Variants in NSMAF observed in about 807,000 individuals in gnomAD.
NSMAF encodes the protein neutral sphingomyelinase activation associated factor.
In NSMAF, 90 loss-of-function variants were observed where a neutral mutation model predicts 134.9. The ratio of observed to expected loss-of-function variants is 0.67; its 90% confidence interval spans 0.56 to 0.79. The LOEUF (loss-of-function observed/expected upper bound fraction) is 0.79, where lower values mean the gene tolerates loss of function less well. NSMAF is among the 30% of genes least tolerant of loss of function. The pLI, the probability that NSMAF is intolerant of heterozygous loss-of-function variation, is 0.00. For missense variants in NSMAF, 1,010 were observed against 1,119.0 expected, an observed-to-expected ratio of 0.90 and a Z score of 1.39; for synonymous variants, 358 against 389.6, an observed-to-expected ratio of 0.92 and a Z score of 0.96.
intron 2 of NSMAF, chr8:58,639,864 T>C (rs1807293033): frequency 3.5e-6 from 1 of 289,322 alleles, no homozygotes; most frequent in African/African-American, 2.2e-5. Flanking sequence ...TTGGAGGACA[T>C]TATGCTAAGT....
intron 6 of NSMAF, among the ~76,000 whole-genome samples, chr8:58,624,493 CT>C (rs905494548): frequency 9.8e-4 from 143 of 145,598 alleles, no homozygotes; most frequent in African/African-American, 2.5e-3. Context: ...TAAATTTTCT[CT>C]TTTTTTTTTT....
chr8:58,584,041 TAA>T lies in NSMAF; in HGVS notation c.*63_*64del. The T allele has an allele frequency of 8.1e-7, 1 of 1,241,004 alleles. No homozygotes were observed. Among genetic ancestry groups the T allele is most frequent in the Non-Finnish European group, 1.2e-6 (1 of 841,178 alleles). 76.9% of individuals were successfully genotyped at this position (1,241,004 alleles called of 1,614,324 possible). ...AACATTGCACATTCACCAGTCCGTT[TAA>T]AAGTTTGGTTTAAAAATGCATTAAA... On this transcript the variant is annotated 3_prime_UTR_variant, in exon 31 of 31. Coordinates refer to ENST00000038176, the MANE Select transcript of NSMAF (RefSeq NM_003580.4).
chr8:58,589,075 A>C (rs1428138584), intron 26 of NSMAF, among the ~76,000 whole-genome samples: 2 of 151,218 alleles, frequency 1.3e-5, no homozygotes, highest in African/African-American at 4.8e-5. Context: ...CAAAAAATAA[A>C]AAGAATGTAC....
At chr8:58,623,567 G>T in intron 7 of NSMAF, 142 bp downstream of exon 7, 1 of 1,063,780 alleles carries the variant, frequency 9.4e-7, no homozygotes, top group Non-Finnish European at 1.4e-6. Context: ...CTAATATATA[G>T]TTTTTAAACT....
In NSMAF at chr8:58,583,868, A is replaced by G. The variant is rs563458428; in HGVS notation, c.*238T>C. 4.0e-6 allele frequency: 2 copies of G among 500,194 alleles called. No homozygotes were observed. The highest frequency in any genetic ancestry group is 7.2e-6 in the Non-Finnish European group (2 of 278,194). 31.0% of individuals were successfully genotyped at this position (500,194 alleles called of 1,614,324 possible). A position where few individuals can be genotyped will look rare whatever the true frequency, so the allele number is the denominator to read the frequency against. On this transcript the variant is annotated 3_prime_UTR_variant, in exon 31 of 31. Coordinates refer to ENST00000038176, the MANE Select transcript of NSMAF (RefSeq NM_003580.4). ...TGACAATCATCATACGGGGACGATC[A>G]TCTGCCTTACAGTGTAACATGTTTT...
intron 9 of NSMAF, among the ~76,000 whole-genome samples, chr8:58,618,593 C>T (rs1434144513): frequency 6.6e-6 from 1 of 151,760 alleles, no homozygotes; most frequent in Non-Finnish European, 1.5e-5. Context: ...CAAACATACA[C>T]ATTTATACAT....
At chr8:58,619,922 G>A (rs573277835) in intron 9 of NSMAF, among the ~76,000 whole-genome samples, 2 of 152,218 alleles carry the variant, frequency 1.3e-5, no homozygotes, top group African/African-American at 4.8e-5. Flanking sequence ...AGTGAAAAAG[G>A]AAAATAAGGT....
At chr8:58,608,659 T>C (rs954904056) in intron 10 of NSMAF, among the ~76,000 whole-genome samples, 2 of 152,190 alleles carry the variant, frequency 1.3e-5, no homozygotes, top group Non-Finnish European at 2.9e-5. Flanking sequence ...CAAGCAATAG[T>C]AGCAGCCAAG....
chr8:58,652,077 A>C (rs1359429101), intron 1 of NSMAF, among the ~76,000 whole-genome samples: 3 of 152,310 alleles, frequency 2.0e-5, no homozygotes, highest in Non-Finnish European at 4.4e-5. Flanking sequence ...TGGATCAGAG[A>C]ACATTTGTTC....
intron 1 of NSMAF, among the ~76,000 whole-genome samples, chr8:58,657,063 C>T (rs934887063): frequency 2.0e-5 from 3 of 152,132 alleles, no homozygotes; most frequent in African/African-American, 7.2e-5. Flanking sequence ...TCACCTCTCA[C>T]AGACAATACA....
chr8:58,635,203 G>A lies in NSMAF; in HGVS notation c.319C>T (p.Leu107Phe). Residue 107 changes from leucine (L) to phenylalanine (F), a missense_variant, in exon 5 of 31, where the codon CTC (leucine) becomes TTC (phenylalanine). Physicochemically the swap from Leu to Phe is conservative, Grantham distance 22. Transcript: ENST00000038176. ...FTKAKSGGISLIFSQVYFIKE... is the reference protein window; with the variant it reads ...FTKAKSGGISFIFSQVYFIKE... ...TATGTGCTTACCTGACTGAAAATGA[G>A]TGAAATACCCCCAGATTTTGCCCTA... The A allele has an allele frequency of 6.2e-7, 1 of 1,610,414 alleles. No individual in the cohort carries two copies. The highest frequency in any genetic ancestry group is 8.5e-7 in the Non-Finnish European group (1 of 1,177,184).
intron 1 of NSMAF, chr8:58,659,223 G>T: frequency 6.8e-7 from 1 of 1,475,584 alleles, no homozygotes; most frequent in Non-Finnish European, 8.9e-7. Flanking sequence ...GGGCTCGCGT[G>T]CCGGGATCCA....
intron 11 of NSMAF, 91 bp downstream of exon 11, chr8:58,607,678 C>A: frequency 1.0e-6 from 1 of 955,712 alleles, no homozygotes; most frequent in Non-Finnish European, 1.7e-6. Context: ...CTTGTACTTT[C>A]AGACATCCCA....
At chr8:58,598,172 C>T (rs560043565) in intron 19 of NSMAF, among the ~76,000 whole-genome samples, 8 of 152,138 alleles carry the variant, frequency 5.3e-5, no homozygotes, top group South Asian at 4.1e-4. Flanking sequence ...ATTAATAAGA[C>T]GGAATTTCCA....
chr8:58,603,625 T>C (rs1806337685), intron 12 of NSMAF, among the ~76,000 whole-genome samples: 2 of 152,172 alleles, frequency 1.3e-5, no homozygotes. Context: ...CTCCACAATA[T>C]GACATAACCT....
chr8:58,614,883 G>A (rs538951092), intron 9 of NSMAF, among the ~76,000 whole-genome samples: 58 of 152,058 alleles, frequency 3.8e-4, no homozygotes, highest in Non-Finnish European at 5.9e-4. Flanking sequence ...TTATCTAAAC[G>A]TTCTTATTGA....
intron 7 of NSMAF, 133 bp downstream of exon 7, chr8:58,623,576 C>G: frequency 9.3e-7 from 1 of 1,075,168 alleles, no homozygotes; most frequent in Non-Finnish European, 1.4e-6. Flanking sequence ...AGTTTTTAAA[C>G]TCAACATTTT....
chr8:58,610,948 A>G (rs1021378779), intron 9 of NSMAF, among the ~76,000 whole-genome samples: 1 of 152,330 alleles, frequency 6.6e-6, no homozygotes, highest in African/African-American at 2.4e-5. Flanking sequence ...CAGGTGCAAC[A>G]AAGTCTTAAT....
chr8:58,646,309 G>A (rs770951011), intron 1 of NSMAF, among the ~76,000 whole-genome samples: 11 of 152,010 alleles, frequency 7.2e-5, no homozygotes, highest in African/African-American at 2.4e-4. Flanking sequence ...TTTCCTAATC[G>A]CCTCACTCCT....
Sources: gnomAD v4.1 joint callset for allele counts (sites outside exome capture counted in the v4.1 genomes callset) on GRCh38, gnomAD v4.1.1 for gene constraint, MANE v1.5 for transcripts, NCBI Gene and HGNC (gene_info 2026-07-23, HGNC 2026-07-21) for gene names.